MSH3: variants seen among roughly 807,000 people sequenced by gnomAD.
MSH3 encodes the protein DNA mismatch repair protein Msh3.
A neutral mutation model predicts 123.3 loss-of-function variants in MSH3; 106 were observed. The observed-to-expected ratio is 0.86, with a 90% CI of 0.73 to 1.01. The LOEUF is 1.01. Among genes scored for constraint, MSH3 ranks in the 50% least tolerant of loss-of-function variants. MSH3 has a pLI of 0.00. For missense variants in MSH3, 1,459 were observed against 1,347.6 expected (o/e 1.08, Z -1.29); for synonymous variants, 515 against 481.4 (o/e 1.07, Z -0.91).
chr5:80,796,130 A>G (rs1744695524), intron 19 of MSH3, among the ~76,000 whole-genome samples: 1 of 152,198 alleles, frequency 6.6e-6, no homozygotes, highest in African/African-American at 2.4e-5. Context: ...TTCTTAAAAT[A>G]ATTTCCTGTT....
intron 8 of MSH3, 71 bp downstream of exon 8, chr5:80,679,164 T>TA: frequency 2.1e-6 from 3 of 1,455,778 alleles, no homozygotes; most frequent in Non-Finnish European, 2.9e-6. Context: ...CTGATACTTA[T>TA]TAAAGTTGCT....
chr5:80,684,371 T>G (rs919005460), intron 8 of MSH3, among the ~76,000 whole-genome samples: 1 of 152,160 alleles, frequency 6.6e-6, no homozygotes, highest in Non-Finnish European at 1.5e-5. Context: ...TGTTTTATAG[T>G]TTTCATTGTA....
At chr5:80,662,439 A>C (rs1650681) in intron 2 of MSH3, among the ~76,000 whole-genome samples, 41,032 of 151,982 alleles carry the variant, frequency 0.27, 5,741 homozygotes, top group Middle Eastern at 0.35. Context: ...CATCTGCCAG[A>C]CATAAGAGTC....
intron 20 of MSH3, among the ~76,000 whole-genome samples, chr5:80,842,852 A>C (rs1023217422): frequency 1.3e-5 from 2 of 152,168 alleles, no homozygotes; most frequent in Non-Finnish European, 2.9e-5. Flanking sequence ...ATCTGCAAAC[A>C]GGGACAATTT....
intron 19 of MSH3, 129 bp from the exon 20 acceptor site, chr5:80,813,455 G>A (rs750458244): frequency 1.4e-4 from 128 of 932,130 alleles, no homozygotes; most frequent in Middle Eastern, 2.8e-4. Flanking sequence ...ACAGAGGACC[G>A]CTTTCCTTTT....
intron 8 of MSH3, among the ~76,000 whole-genome samples, chr5:80,717,779 A>G (rs1053916555): frequency 6.6e-6 from 1 of 151,266 alleles, no homozygotes; most frequent in African/African-American, 2.4e-5. Flanking sequence ...TTTTTTTCAT[A>G]TATTGGCCAT....
intron 8 of MSH3, chr5:80,715,368 AT>A (rs1750939065): frequency 6.6e-6 from 1 of 152,228 alleles, no homozygotes; most frequent in African/African-American, 2.4e-5. Context: ...CACTGAGATG[AT>A]GACTTGAATG....
Position 80,873,247 on chromosome 5 carries a change from C to T in MSH3, c.3262C>T (p.His1088Tyr), listed in dbSNP as rs928453595. The T allele has an allele frequency of 6.2e-7, 1 of 1,613,880 alleles. No individual in the cohort carries two copies. The highest frequency in any genetic ancestry group is 8.5e-7 in the Non-Finnish European group (1 of 1,179,928). ...TGGAGAAATTTTGAAGAAAGCAGCT[C>T]ACAAGTCAAAAGAGCTGGAAGGATT... ...VPGEILKKAA[H>Y]KSKELEGLIN... The change falls in exon 23 of 24, where the codon CAC becomes TAC. Residue 1088 changes from histidine (H) to tyrosine (Y), a missense_variant. Transcript: ENST00000265081.
intron 9 of MSH3, among the ~76,000 whole-genome samples, 184 bp from the exon 10 acceptor site, chr5:80,728,666 AT>A (rs1377024531): frequency 6.6e-6 from 1 of 152,070 alleles, no homozygotes; most frequent in Non-Finnish European, 1.5e-5. Context: ...ATTAGTAATG[AT>A]TTACATTTTT....
chr5:80,845,981 G>A (rs1745713214), intron 20 of MSH3, among the ~76,000 whole-genome samples: 1 of 152,084 alleles, frequency 6.6e-6, no homozygotes, highest in Non-Finnish European at 1.5e-5. Flanking sequence ...AGGAGAAGAG[G>A]CGCTCTGGTT....
chr5:80,813,897 A>G (rs928372337), intron 20 of MSH3, among the ~76,000 whole-genome samples, 156 bp downstream of exon 20: 2 of 152,162 alleles, frequency 1.3e-5, no homozygotes, highest in Non-Finnish European at 2.9e-5. Context: ...ACGGTGGCTC[A>G]CACCTGTGAT....
chr5:80,811,311 C>G (rs1487270116), intron 19 of MSH3, among the ~76,000 whole-genome samples: 1 of 151,996 alleles, frequency 6.6e-6, no homozygotes, highest in Non-Finnish European at 1.5e-5. Flanking sequence ...TGAATTTTAT[C>G]AAATACTTTC....
At chr5:80,693,879 C>T (rs540257193) in intron 8 of MSH3, among the ~76,000 whole-genome samples, 16 of 152,112 alleles carry the variant, frequency 1.1e-4, no homozygotes, top group South Asian at 4.1e-4. Context: ...AGGCTGATCT[C>T]GAACTCCTGA....
Position 80,873,862 on chromosome 5 carries a change from A to G in MSH3, c.3302+575A>G, listed in dbSNP as rs1036756155. 2.0e-5 allele frequency among the ~76,000 whole-genome samples: 3 copies of G among 152,344 alleles called. No individual in the cohort carries two copies. In the East Asian group the frequency reaches 5.8e-4, roughly 29 times the overall value. ...TAGTATGTAGTCAGTACATAAATTA[A>G]TCTTAATGTAAACCTGAGATACACT... On this transcript the variant is annotated intron_variant, in intron 23 of 23. Transcript: ENST00000265081.
At chr5:80,717,842 T>C (rs946801052) in intron 8 of MSH3, among the ~76,000 whole-genome samples, 1 of 152,216 alleles carries the variant, frequency 6.6e-6, no homozygotes, top group Non-Finnish European at 1.5e-5. Flanking sequence ...TTTTTGGTAT[T>C]GGGTTGTTTG....
rs181720040 is a variant in MSH3, at chr5:80,701,683, C to G, written c.1340+22590C>G. Reference sequence around the variant, plus strand: ...GAGGCCAGCTTAGTTCAGAGCTCCTCTGGGCTTGCTTATCTCCCAGCCTTT... The same window carrying G: ...GAGGCCAGCTTAGTTCAGAGCTCCTGTGGGCTTGCTTATCTCCCAGCCTTT... On this transcript the variant is annotated intron_variant, in intron 8 of 23. Coordinates refer to ENST00000265081, the MANE Select transcript of MSH3 (RefSeq NM_002439.5). Among the ~76,000 whole-genome samples, 66 of 152,322 alleles carry G rather than the reference C, an allele frequency of 4.3e-4. 1 individual carries two copies. The highest frequency in any genetic ancestry group is 1.0e-4 in the Non-Finnish European group (7 of 68,034).
At chr5:80,681,574 G>A (rs12652038) in intron 8 of MSH3, among the ~76,000 whole-genome samples, 11,460 of 151,404 alleles carry the variant, frequency 0.076, 836 homozygotes, top group East Asian at 0.34. Flanking sequence ...ATGATAAATG[G>A]ATAAATTATG....
chr5:80,787,793 A>G, intron 18 of MSH3, 121 bp downstream of exon 18: 1 of 736,184 alleles, frequency 1.4e-6, no homozygotes, highest in Non-Finnish European at 2.4e-6. Flanking sequence ...CTCTTGGGAA[A>G]GCTGAATGTC....
chr5:80,794,480 G>C (rs1744664476), intron 19 of MSH3, among the ~76,000 whole-genome samples: 1 of 152,284 alleles, frequency 6.6e-6, no homozygotes, highest in East Asian at 1.9e-4. Flanking sequence ...TGAGAATTTG[G>C]TCAAGGACAT....
Sources: gnomAD v4.1 joint callset for allele counts (sites outside exome capture counted in the v4.1 genomes callset) on GRCh38, gnomAD v4.1.1 for gene constraint, MANE v1.5 for transcripts, NCBI Gene and HGNC (gene_info 2026-07-23, HGNC 2026-07-21) for gene names.